The following DROSHA variants were observed in gnomAD, a reference collection of about 807,000 sequenced individuals.
DROSHA encodes ribonuclease 3.
In DROSHA, 56 loss-of-function variants were observed where a neutral mutation model predicts 181.9. The ratio of observed to expected loss-of-function variants is 0.31; its 90% CI spans 0.25 to 0.38. The LOEUF is 0.38. Among genes scored for constraint, DROSHA ranks in the 10% least tolerant of loss-of-function variants. DROSHA has a pLI of 1.00. For missense variants in DROSHA, 1,218 were observed against 1,743.5 expected, an observed-to-expected ratio of 0.70 and a Z score of 5.37; for synonymous variants, 524 against 591.2, an observed-to-expected ratio of 0.89 and a Z score of 1.65.
chr5:31,407,189 G>A, intron 33 of DROSHA: 4 of 286,780 alleles, frequency 1.4e-5, no homozygotes. Flanking sequence ...TCTTCCCAAA[G>A]TAATATAAAT....
intron 5 of DROSHA, among the ~76,000 whole-genome samples, chr5:31,525,841 T>C (rs548544654): frequency 6.6e-6 from 1 of 151,916 alleles, no homozygotes; most frequent in South Asian, 2.1e-4. Context: ...AAGTCTTATA[T>C]TCACTGAAAT....
rs138881741 is a variant in DROSHA, at chr5:31,426,849, G to A, written c.3217-2378C>T. On this transcript the variant is annotated intron_variant, in intron 27 of 35. Transcript: ENST00000344624. ...TGTGGTATGAATGATGGACTGGAGC[G>A]GTGGGGGATGGCAGCCGGTTAGAGT... Among the ~76,000 whole-genome samples, 500 of 152,240 alleles carry A rather than the reference G, an allele frequency of 3.3e-3. 4 individuals are homozygous for A. The highest frequency in any genetic ancestry group is 0.011 in the African/African-American group (475 of 41,546).
In DROSHA at chr5:31,484,975, C is replaced by T; in HGVS notation, c.1915-13G>A. The T allele has an allele frequency of 6.5e-7, 1 of 1,534,434 alleles. No homozygotes were observed. Among genetic ancestry groups the T allele is most frequent in the Non-Finnish European group, 8.8e-7 (1 of 1,140,710 alleles). On this transcript the variant is annotated splice_polypyrimidine_tract_variant and intron_variant, in intron 14 of 35. Transcript: ENST00000344624. Reference sequence around the variant, plus strand: ...TCACACAAAAATTCTGAAAAATAAACCAAAATTAAATTACTGTAGTTTGGC... The same window carrying T: ...TCACACAAAAATTCTGAAAAATAAATCAAAATTAAATTACTGTAGTTTGGC...
chr5:31,438,983 G>A (rs1278216344), intron 23 of DROSHA, among the ~76,000 whole-genome samples: 2 of 152,150 alleles, frequency 1.3e-5, no homozygotes, highest in South Asian at 2.1e-4. Flanking sequence ...CATGCCCAAT[G>A]TTGCTTAGAT....
At chr5:31,464,120 T>C (rs1250844324) in intron 20 of DROSHA, 116 bp downstream of exon 20, 4 of 846,056 alleles carry the variant, frequency 4.7e-6, no homozygotes, top group Non-Finnish European at 7.4e-6. Flanking sequence ...GATATTCCAT[T>C]TAGTCTCAAG....
chr5:31,434,352 T>C (rs1744544403), intron 25 of DROSHA, among the ~76,000 whole-genome samples: 1 of 152,264 alleles, frequency 6.6e-6, no homozygotes, highest in African/African-American at 2.4e-5. Context: ...GTGGCATTTA[T>C]GTGAATGATC....
chr5:31,417,155 C>T (rs949924845), intron 30 of DROSHA, among the ~76,000 whole-genome samples: 8 of 152,146 alleles, frequency 5.3e-5, no homozygotes, highest in Admixed American at 5.2e-4. Context: ...GACATCTGAA[C>T]AGAGACCTGA....
At chr5:31,496,035 G>A (rs149916762) in intron 11 of DROSHA, among the ~76,000 whole-genome samples, 5 of 152,300 alleles carry the variant, frequency 3.3e-5, no homozygotes, top group African/African-American at 4.8e-5. Flanking sequence ...TGGTTGGGTG[G>A]TGGTTGTGTC....
intron 30 of DROSHA, among the ~76,000 whole-genome samples, chr5:31,417,396 G>T (rs535554050): frequency 6.6e-6 from 1 of 152,280 alleles, no homozygotes. Flanking sequence ...GAGGTTTTGT[G>T]CAGAAGAGGA....
chr5:31,484,835 T>C (rs1305597819), intron 15 of DROSHA, 46 bp downstream of exon 15: 3 of 1,333,878 alleles, frequency 2.2e-6, no homozygotes, highest in African/African-American at 1.5e-5. Context: ...TATACCATAA[T>C]GTTCTTCCAT....
Position 31,532,070 on chromosome 5 carries a change from C to T in DROSHA, c.-330G>A. The T allele has an allele frequency of 2.5e-6, 1 of 392,960 alleles. No individual in the cohort carries two copies. The allele number at this position is 392,960 out of a possible 1,614,324, so 24.3% of individuals were successfully genotyped here. A position where few individuals can be genotyped will look rare whatever the true frequency, so the allele number is the denominator to read the frequency against. On this transcript the variant is annotated 5_prime_UTR_variant, in exon 1 of 36. Coordinates refer to ENST00000344624, the MANE Select transcript of DROSHA (RefSeq NM_001382508.1). ...CGCAGGTACCAAGACAGTGGCACCG[C>T]CCGCGCCTCCGGAACAGGAAACCGA... is the stretch of plus-strand genomic sequence containing the variant.
At chr5:31,515,399 G>A (rs921935138) in intron 7 of DROSHA, 55 bp downstream of exon 7, 3 of 1,057,510 alleles carry the variant, frequency 2.8e-6, no homozygotes, top group Admixed American at 5.0e-5. Context: ...AGAATCACCT[G>A]AAGTTTACTT....
chr5:31,521,008 T>A lies in DROSHA; in HGVS notation c.947+115A>T, dbSNP rs969478411. 27 of 968,236 alleles carry A rather than the reference T, an allele frequency of 2.8e-5. No individual in the cohort carries two copies. In the African/African-American group the frequency reaches 3.4e-4, roughly 12 times the overall value. 60.0% of individuals were successfully genotyped at this position (968,236 alleles called of 1,614,324 possible). A position where few individuals can be genotyped will look rare whatever the true frequency, so the allele number is the denominator to read the frequency against. On this transcript the variant is annotated intron_variant, in intron 6 of 35. Transcript: ENST00000344624. ...GTCTGCTTTAGCTTTTCACAGGTCA[T>A]CTTGGACAGACTCTGAGGCCATTAT...
chr5:31,437,097 G>C (rs1306198199), intron 24 of DROSHA, 142 bp downstream of exon 24: 1 of 871,630 alleles, frequency 1.1e-6, no homozygotes, highest in Non-Finnish European at 1.8e-6. Flanking sequence ...CAGACATGTG[G>C]CTTCTAAGCT....
At chr5:31,512,392 T>C (rs561812849) in intron 8 of DROSHA, among the ~76,000 whole-genome samples, 29 of 152,322 alleles carry the variant, frequency 1.9e-4, no homozygotes, top group Admixed American at 1.7e-3. Flanking sequence ...CAGCCCTGCC[T>C]GTTTAAACTC....
chr5:31,464,038 C>T (rs910475967), intron 20 of DROSHA, 198 bp downstream of exon 20: 1 of 581,406 alleles, frequency 1.7e-6, no homozygotes, highest in African/African-American at 1.9e-5. Flanking sequence ...ACAAATACAA[C>T]ATACACACAC....
At chr5:31,527,290 C>A (rs564249223) in intron 4 of DROSHA, among the ~76,000 whole-genome samples, 1 of 152,194 alleles carries the variant, frequency 6.6e-6, no homozygotes, top group Admixed American at 6.5e-5. Flanking sequence ...CTCCCCAGCC[C>A]CCACTCCCAT....
intron 27 of DROSHA, among the ~76,000 whole-genome samples, chr5:31,424,725 T>C (rs1214846445): frequency 6.6e-6 from 1 of 152,154 alleles, no homozygotes; most frequent in Non-Finnish European, 1.5e-5. Context: ...CAGACACCTT[T>C]TAAAACTAAG....
chr5:31,442,964 A>C (rs1052536349), intron 23 of DROSHA, among the ~76,000 whole-genome samples: 1 of 152,040 alleles, frequency 6.6e-6, no homozygotes, highest in Non-Finnish European at 1.5e-5. Context: ...TTTAATGCAA[A>C]ATATACTTGC....
Sources: allele counts gnomAD v4.1 joint callset (sites outside exome capture counted in the v4.1 genomes callset), GRCh38; gene constraint gnomAD v4.1.1; transcripts MANE v1.5; gene names NCBI Gene and HGNC (gene_info 2026-07-23, HGNC 2026-07-21).